The following BCORL1 variants were observed in gnomAD, a reference collection of about 807,000 sequenced individuals.
BCORL1 encodes the protein BCL-6 corepressor-like protein 1.
Under a neutral mutation model 87.6 loss-of-function variants are expected in BCORL1, and 7 were observed. That is an observed-to-expected ratio of 0.08 (90% CI 0.05 to 0.15). The LOEUF (loss-of-function observed/expected upper bound fraction) is 0.15. Ranked by LOEUF, BCORL1 falls within the 10% of genes least tolerant of loss-of-function variation. The pLI, the probability that BCORL1 is intolerant of heterozygous loss-of-function variation, is 1.00. For missense variants in BCORL1, 1,215 were observed against 1,499.7 expected (o/e 0.81, Z 3.13); for synonymous variants, 591 against 634.4 (o/e 0.93, Z 1.03).
intron 11 of BCORL1, among the ~76,000 whole-genome samples, chrX:130,041,719 C>T (rs909112766): frequency 1.8e-5 from 2 of 111,167 alleles, no homozygotes; most frequent in African/African-American, 3.3e-5. Context: ...CTCCACCTCT[C>T]GGGTTCACAC....
chrX:129,990,217 T>A (rs1056167501), intron 1 of BCORL1, among the ~76,000 whole-genome samples: 1 of 111,327 alleles, frequency 9.0e-6, no homozygotes, highest in African/African-American at 3.2e-5. Context: ...GGACCTATTA[T>A]TTTATATATA....
At chrX:130,046,867 C>G (rs1931786291) in intron 11 of BCORL1, among the ~76,000 whole-genome samples, 1 of 110,386 alleles carries the variant, frequency 9.1e-6, no homozygotes, top group African/African-American at 3.3e-5. Context: ...TTCATCACCC[C>G]AAAATAAAAC....
chrX:130,055,772 T>A, intron 13 of BCORL1, 82 bp from the exon 14 acceptor site: 1 of 1,009,045 alleles, frequency 9.9e-7, no homozygotes. Flanking sequence ...GCAGCCTTTG[T>A]GGGCTTTGCA....
At chrX:129,982,050 TC>T (rs999543054), upstream of BCORL1, among the ~76,000 whole-genome samples, 2 of 110,388 alleles carry the variant, frequency 1.8e-5, no homozygotes, top group Admixed American at 9.5e-5. Flanking sequence ...ATCTGGGGTC[TC>T]GAGATTTGCA....
chrX:129,998,883 C>T (rs371858037), intron 1 of BCORL1, among the ~76,000 whole-genome samples: 4 of 111,218 alleles, frequency 3.6e-5, no homozygotes, highest in South Asian at 3.8e-4. Context: ...TAGGAAGTGG[C>T]GCTCCTGGGA....
chrX:130,014,258 T>C lies in BCORL1; in HGVS notation c.1486T>C (p.Ser496Pro). The C allele has an allele frequency of 8.3e-7, 1 of 1,209,980 alleles. No homozygotes were observed. The stretch of plus-strand genomic sequence containing the variant: ...CAGGTGTCTCCCAGGCGTGCTAGCC[T>C]CCCCCGAGCTCCGTTCTTACCCGTA... ...QDRCLPGVLASPELRSYPYAF... is the reference protein window; with the variant it reads ...QDRCLPGVLAPPELRSYPYAF... Residue 496 changes from serine (S) to proline (P), a missense_variant, in exon 4 of 14, where the codon TCC becomes CCC. Transcript: ENST00000540052.
At chrX:130,021,537 C>T (rs748829522) in intron 5 of BCORL1, among the ~76,000 whole-genome samples, 1 of 112,206 alleles carries the variant, frequency 8.9e-6, no homozygotes, top group South Asian at 3.7e-4. Flanking sequence ...AACTGCTATT[C>T]TGAAAGGACA....
chrX:130,012,813 G>A, intron 3 of BCORL1, 137 bp from the exon 4 acceptor site: 1 of 1,032,214 alleles, frequency 9.7e-7, no homozygotes, highest in East Asian at 3.0e-5. Context: ...ACACAAATTG[G>A]CTGGCTGCCC....
intron 8 of BCORL1, among the ~76,000 whole-genome samples, chrX:130,030,798 G>A (rs771036405): frequency 2.4e-3 from 263 of 111,643 alleles, no homozygotes; most frequent in Non-Finnish European, 3.9e-3. Flanking sequence ...CTTCTGTCTG[G>A]CTATTCTGCC....
intron 1 of BCORL1, among the ~76,000 whole-genome samples, chrX:129,984,447 G>T (rs1001585828): frequency 2.7e-5 from 3 of 111,433 alleles, no homozygotes; most frequent in East Asian, 5.7e-4. Flanking sequence ...GAGAAGGAAG[G>T]GGGGTGTGGG....
rs763153029 is a variant in BCORL1, at chrX:130,039,109, T to A, written c.4695-28T>A. On this transcript the variant is annotated intron_variant, in intron 10 of 13. Coordinates refer to ENST00000540052, the MANE Select transcript of BCORL1 (RefSeq NM_001379451.1). ...CACCCCAGTTCCCACTTGGGCCCTG[T>A]TATCCTCACCCTGTATCACCTCCAC... 9.9e-6 allele frequency: 12 copies of A among 1,208,731 alleles called. No individual in the cohort carries two copies. The Admixed American group carries it at 2.6e-4, about 26-fold the overall frequency.
intron 1 of BCORL1, among the ~76,000 whole-genome samples, chrX:129,986,983 G>A (rs973158435): frequency 5.4e-5 from 6 of 111,678 alleles, no homozygotes. Context: ...GGACACTAGA[G>A]GGAAGGAAGG....
At chrX:130,028,591 T>C in intron 7 of BCORL1, 44 bp from the exon 8 acceptor site, 2 of 1,119,549 alleles carry the variant, frequency 1.8e-6, no homozygotes, top group Non-Finnish European at 2.5e-6. Flanking sequence ...TTTTCTGTGT[T>C]CCATTTCTCT....
In BCORL1 at chrX:130,051,911, C is replaced by T; in HGVS notation, c.4970C>T (p.Ser1657Leu). 8.3e-7 allele frequency: 1 copy of T among 1,208,405 alleles called. No homozygotes were observed. The highest frequency in any genetic ancestry group is 2.2e-5 in the Admixed American group (1 of 45,708). Residue 1657 changes from serine to leucine, a missense_variant, in exon 13 of 14, where the codon TCA becomes TTA. Ser to Leu is a moderately radical substitution (Grantham distance 145). Around this residue, in one of 5 missense-constraint regions of BCORL1, gnomAD observed 129 missense variants for 157.5 expected, o/e 0.82. Transcript: ENST00000540052. ...CDLLHNPPGS[S>L]DQEGDDPMEE... ...CTCCTACATAATCCTCCTGGGAGCT[C>T]AGATCAAGAAGGAGACGATCCGATG...
chrX:130,008,999 G>A (rs1227049346), intron 2 of BCORL1, among the ~76,000 whole-genome samples: 2 of 112,140 alleles, frequency 1.8e-5, no homozygotes, highest in Non-Finnish European at 3.8e-5. Flanking sequence ...GTACATTGGT[G>A]GTGAGTGCCC....
At chrX:130,023,033 G>A (rs1929965117) in intron 6 of BCORL1, 56 bp downstream of exon 6, 1 of 1,048,031 alleles carries the variant, frequency 9.5e-7, no homozygotes, top group South Asian at 1.9e-5. Context: ...AAGAGAGATC[G>A]AAATCTGGTT....
At chrX:130,043,769 TATATA>T (rs1931519854) in intron 11 of BCORL1, among the ~76,000 whole-genome samples, 1 of 19,642 alleles carries the variant, frequency 5.1e-5, no homozygotes. Flanking sequence ...TATATATATA[TATATA>T]TATATATATA....
At chrX:130,044,272 G>A (rs1931600958) in intron 11 of BCORL1, among the ~76,000 whole-genome samples, 1 of 111,139 alleles carries the variant, frequency 9.0e-6, no homozygotes, top group African/African-American at 3.3e-5. Context: ...TTGTCCCCAA[G>A]CATTTGCTTG....
At chrX:130,043,746 TTATATATATATATA>T (rs55637661) in intron 11 of BCORL1, among the ~76,000 whole-genome samples, 3 of 17,482 alleles carry the variant, frequency 1.7e-4, no homozygotes, top group Admixed American at 1.1e-3. Flanking sequence ...AGCTAATTTG[TTATATATATATATA>T]TATATATATA....
Sources: allele counts gnomAD v4.1 joint callset (sites outside exome capture counted in the v4.1 genomes callset), GRCh38; gene constraint gnomAD v4.1.1; regional missense constraint gnomAD v4.1.1; transcripts MANE v1.5; gene names NCBI Gene and HGNC (gene_info 2026-07-23, HGNC 2026-07-21).